MYH7: variants seen among roughly 807,000 people sequenced by gnomAD.
The protein encoded by MYH7 is myosin-7.
In MYH7, 129 loss-of-function variants were observed where a neutral mutation model predicts 225.4. The ratio of observed to expected loss-of-function variants is 0.57; its 90% CI spans 0.50 to 0.66. The LOEUF (loss-of-function observed/expected upper bound fraction) is 0.66. MYH7 is among the 30% of genes least tolerant of loss of function. MYH7 has a pLI of 0.00. For synonymous variants in MYH7, 971 were observed against 1,007.6 expected (o/e 0.96, Z 0.69); for missense variants, 1,649 against 2,517.0 (o/e 0.66, Z 7.38).
rs1893061731 is a variant in MYH7 at position 23,434,174 on chromosome 14, C to G, written c.-9+20G>C. On this transcript the variant is annotated intron_variant, in intron 2 of 39. Transcript: ENST00000355349. ...CCAGTCTTACTAGATTTTCAACACT[C>G]TAGCTTCAGCTTTTCTTACCTGGGC... is the stretch of plus-strand genomic sequence containing the variant. The G allele has an allele frequency of 9.4e-7, 1 of 1,066,106 alleles. No homozygotes were observed. Among genetic ancestry groups the G allele is most frequent in the Admixed American group, 4.9e-5 (1 of 20,256 alleles). 66.0% of individuals were successfully genotyped at this position (1,066,106 alleles called of 1,614,324 possible). A position where few individuals can be genotyped will look rare whatever the true frequency, so the allele number is the denominator to read the frequency against.
chr14:23,435,399 C>CA (rs1566539747), intron 1 of MYH7, among the ~76,000 whole-genome samples: 2 of 150,262 alleles, frequency 1.3e-5, no homozygotes, highest in Non-Finnish European at 3.0e-5. Context: ...CACACACACA[C>CA]CCTGTAATGC....
At chr14:23,417,971 C>T (rs1892296329) in intron 30 of MYH7, 1 of 878,976 alleles carries the variant, frequency 1.1e-6, no homozygotes, top group Non-Finnish European at 2.0e-6. Context: ...AGTGCCCTGC[C>T]CCAGACGGAA....
chr14:23,434,058 T>A, intron 2 of MYH7, 136 bp downstream of exon 2: 2 of 561,982 alleles, frequency 3.6e-6, no homozygotes, highest in Non-Finnish European at 5.5e-6. Flanking sequence ...GACCCCCTGG[T>A]CACAGGTAAG....
rs1447305642 is a variant in MYH7 at position 23,433,483 on chromosome 14, C to G, written c.201+49G>C. 2.5e-6 allele frequency: 4 copies of G among 1,580,824 alleles called. No homozygotes were observed. The South Asian group carries it at 4.4e-5, about 18-fold the overall frequency. On this transcript the variant is annotated intron_variant, in intron 3 of 39. Transcript: ENST00000355349. The surrounding 1 kb of genome is among the most constrained non-coding windows in gnomAD (Gnocchi z 4.1). ...ATGGGTGTACCCCTCTCTGTCCACC[C>G]AGGTGTACAGGTGGCCAGGGTGGAC... is the stretch of plus-strand genomic sequence containing the variant.
Position 23,413,752 on chromosome 14 carries a change from G to T in MYH7, c.5790+7C>A, listed in dbSNP as rs764434831. On this transcript the variant is annotated splice_region_variant and intron_variant, in intron 39 of 39. Coordinates refer to ENST00000355349, the MANE Select transcript of MYH7 (RefSeq NM_000257.4). Reference sequence around the variant, plus strand: ...GGTGACTAGCAAAGCCCAAAAGAGGGACCCACCTTCGTGCCAATGTCACGG... The same window carrying T: ...GGTGACTAGCAAAGCCCAAAAGAGGTACCCACCTTCGTGCCAATGTCACGG... The T allele has an allele frequency of 6.2e-6, 10 of 1,613,796 alleles. No individual in the cohort carries two copies. The highest frequency in any genetic ancestry group is 6.8e-6 in the Non-Finnish European group (8 of 1,180,030).
At position 23,416,945 on chromosome 14, in the gene MYH7, TAG is replaced by T; in HGVS notation, c.4565_4566del (p.Thr1522AsnfsTer3). 1.9e-6 allele frequency: 3 copies of T among 1,614,246 alleles called. No individual in the cohort carries two copies. The highest frequency in any genetic ancestry group is 2.5e-6 in the Non-Finnish European group (3 of 1,180,054). ...LTEQLGSSGK[T>X]IHELEKVRKQ... ...TTTCGGACCTTCTCCAGCTCATGGA[TAG>T]TCTTTCCGCTGGAACCCAACTGCTC... is the stretch of plus-strand genomic sequence containing the variant. On this transcript the variant is annotated frameshift_variant, in exon 33 of 40. Transcript: ENST00000355349. LOFTEE classifies it high-confidence loss of function.
At position 23,432,588 on chromosome 14, in the gene MYH7, C is replaced by G. The variant is rs182254326; in HGVS notation, c.502+51G>C. The G allele has an allele frequency of 1.4e-5, 23 of 1,614,196 alleles. No individual in the cohort carries two copies. In the East Asian group the frequency reaches 2.5e-4, roughly 17 times the overall value. On this transcript the variant is annotated intron_variant, in intron 5 of 39. Transcript: ENST00000355349. ...GCTTCTCCCTTCCTTCTCCCTCTCC[C>G]TCCCGGCCTATCCCAGTTCCCTTCA... is the stretch of plus-strand genomic sequence containing the variant.
rs138682220 is a variant in MYH7 at position 23,415,103 on chromosome 14, C to G, written c.5451G>C (p.Ala1817=). ...GCTCATTCTCCAGCTCCCGCACCCG[C>G]GCTTCCAGCTTCTGCAGCTGCTTCT... ...GGKKQLQKLE[A]RVRELENELE... The change falls in exon 37 of 40, where the codon GCG becomes GCC. Residue 1817 remains alanine (A), a synonymous_variant. Transcript: ENST00000355349. This position sits in a 1 kb window ranked among gnomAD's most constrained non-coding sequence, Gnocchi z 6.3. 25 of 1,613,972 alleles carry G rather than the reference C, an allele frequency of 1.5e-5. No homozygotes were observed. Among genetic ancestry groups the G allele is most frequent in the Non-Finnish European group, 2.1e-5 (25 of 1,180,050 alleles).
At chr14:23,427,953 G>C in intron 15 of MYH7, 59 bp from the exon 16 acceptor site, 3 of 1,602,548 alleles carry the variant, frequency 1.9e-6, no homozygotes, top group Non-Finnish European at 2.6e-6. Flanking sequence ...CATGGATTCT[G>C]CTCTATGGTC....
At chr14:23,413,675 A>G in intron 39 of MYH7, 84 bp downstream of exon 39, 1 of 1,582,446 alleles carries the variant, frequency 6.3e-7, no homozygotes, top group Non-Finnish European at 8.6e-7. Flanking sequence ...AATAAATGAA[A>G]AGGAAGCATC....
At chr14:23,427,518 T>C (rs1204364398) in intron 16 of MYH7, 67 bp downstream of exon 16, 2 of 1,586,116 alleles carry the variant, frequency 1.3e-6, no homozygotes, top group Non-Finnish European at 1.7e-6. Flanking sequence ...GGTGTAGCAA[T>C]TGACCTGGCT....
At chr14:23,421,140 G>T in intron 25 of MYH7, 92 bp from the exon 26 acceptor site, 1 of 917,648 alleles carries the variant, frequency 1.1e-6, no homozygotes. Context: ...TACAGGTAAA[G>T]AGTAGGATTT....
Position 23,412,821 on chromosome 14 carries a change from C to A in MYH7, c.*33G>T. On this transcript the variant is annotated 3_prime_UTR_variant, in exon 40 of 40. Transcript: ENST00000355349. ...CTCCAGCATGGGGCTTTGCTGGCAC[C>A]TCCAGGGCTGAGCAGATCAAGATGT... The A allele has an allele frequency of 6.2e-7, 1 of 1,613,790 alleles. No individual in the cohort carries two copies. The highest frequency in any genetic ancestry group is 8.5e-7 in the Non-Finnish European group (1 of 1,179,710).
chr14:23,427,414 G>A (rs1057326822), intron 16 of MYH7, 107 bp from the exon 17 acceptor site: 2 of 1,486,486 alleles, frequency 1.3e-6, no homozygotes, highest in Non-Finnish European at 1.9e-6. Flanking sequence ...GCCCCTGGGT[G>A]AGGGCCTTCA....
rs1332617204 is a variant in MYH7 at position 23,415,917 on chromosome 14, C to T, written c.4954-85G>A. 1 of 1,613,154 alleles carries T rather than the reference C, an allele frequency of 6.2e-7. No homozygotes were observed. On this transcript the variant is annotated intron_variant, in intron 34 of 39. Transcript: ENST00000355349. The surrounding 1 kb of genome is among the most constrained non-coding windows in gnomAD (Gnocchi z 6.3). The stretch of plus-strand genomic sequence containing the variant: ...CACCTGTCAGAGGTCCCTGCAGTAA[C>T]CTAGGGGCAGGAGGAATCTGGTGCC...
At chr14:23,427,487 A>C (rs1218451715) in intron 16 of MYH7, 98 bp downstream of exon 16, 3 of 1,522,976 alleles carry the variant, frequency 2.0e-6, no homozygotes, top group African/African-American at 2.7e-5. Flanking sequence ...CTTGGGGTAC[A>C]ACCTGACATT....
Position 23,424,754 on chromosome 14 carries a change from G to A in MYH7, c.2679+15C>T. ...GAGCAGGGTGGAAGAGCCAACAGTA[G>A]CCCAGGAGCCTCACCGCCTGCACTT... On this transcript the variant is annotated intron_variant, in intron 22 of 39. Transcript: ENST00000355349. 2 of 1,613,808 alleles carry A rather than the reference G, an allele frequency of 1.2e-6. No homozygotes were observed. Among genetic ancestry groups the A allele is most frequent in the Non-Finnish European group, 1.7e-6 (2 of 1,180,014 alleles).
In MYH7 at chr14:23,419,482, C is replaced by G; in HGVS notation, c.3853+1G>C. On this transcript the variant is annotated splice_donor_variant, in intron 28 of 39. Coordinates refer to ENST00000355349, the MANE Select transcript of MYH7 (RefSeq NM_000257.4). LOFTEE classifies it high-confidence loss of function. ...CCATGGAGCCCCTGCTCTAGGCTCACCATTCTCGGTTTGCAACTTGGCCCG... is the reference window on the plus strand; with the variant it reads ...CCATGGAGCCCCTGCTCTAGGCTCAGCATTCTCGGTTTGCAACTTGGCCCG... The G allele has an allele frequency of 6.2e-7, 1 of 1,614,034 alleles. No individual in the cohort carries two copies. The highest frequency in any genetic ancestry group is 2.2e-5 in the East Asian group (1 of 44,872).
intron 16 of MYH7, 124 bp from the exon 17 acceptor site, chr14:23,427,431 C>T (rs1194230579): frequency 6.8e-7 from 1 of 1,464,016 alleles, no homozygotes; most frequent in Non-Finnish European, 9.4e-7. Context: ...TTCAATGTGG[C>T]TGCCTCAGTT....
Sources: gnomAD v4.1 joint callset for allele counts (sites outside exome capture counted in the v4.1 genomes callset) on GRCh38, gnomAD v4.1.1 for gene constraint, Gnocchi (gnomAD v3.1) non-coding constraint, MANE v1.5 for transcripts, NCBI Gene and HGNC (gene_info 2026-07-23, HGNC 2026-07-21) for gene names.